Variants in DIS3L2 observed in about 807,000 individuals in gnomAD.
DIS3L2 encodes the protein DIS3 like 3'-5' exoribonuclease 2.
In DIS3L2, 34 loss-of-function variants were observed where a neutral mutation model predicts 97.5. That is an observed-to-expected ratio of 0.35 (90% CI 0.27 to 0.46). The LOEUF is 0.46. Ranked by LOEUF, DIS3L2 falls within the 20% of genes least tolerant of loss-of-function variation. DIS3L2 has a pLI of 1.00. For synonymous variants in DIS3L2, 435 were observed against 445.2 expected (o/e 0.98, Z 0.29); for missense variants, 1,038 against 1,146.0 (o/e 0.91, Z 1.36).
intron 6 of DIS3L2, among the ~76,000 whole-genome samples, chr2:232,091,491 T>C (rs952636690): frequency 5.9e-5 from 9 of 152,230 alleles, no homozygotes; most frequent in Non-Finnish European, 1.5e-5. Context: ...ATCACATTTT[T>C]TTTAAATGGC....
intron 6 of DIS3L2, 57 bp downstream of exon 6, chr2:232,087,778 A>C (rs1696709205): frequency 7.5e-7 from 1 of 1,336,250 alleles, no homozygotes; most frequent in Non-Finnish European, 1.1e-6. Flanking sequence ...AAGTATTGGA[A>C]TTCCCTCTCT....
Position 232,222,531 on chromosome 2 carries a change from C to T in DIS3L2, c.1204+12126C>T, listed in dbSNP as rs528079959. 5.9e-5 allele frequency among the ~76,000 whole-genome samples: 9 copies of T among 152,172 alleles called. No homozygotes were observed. The South Asian group carries it at 1.7e-3, about 28-fold the overall frequency. ...TGTCGCCCAGGCTGGAGTGCGATGG[C>T]GCAGTCTTGGCTTACTGCAACCTCC... On this transcript the variant is annotated intron_variant, in intron 10 of 20. Transcript: ENST00000325385.
intron 5 of DIS3L2, among the ~76,000 whole-genome samples, chr2:232,042,123 G>A (rs937189721): frequency 1.3e-5 from 2 of 152,178 alleles, no homozygotes; most frequent in Admixed American, 6.5e-5. Context: ...AATAAAGGAA[G>A]TGTTGATAGG....
At chr2:232,103,993 C>T (rs1697284055) in intron 6 of DIS3L2, among the ~76,000 whole-genome samples, 1 of 149,684 alleles carries the variant, frequency 6.7e-6, no homozygotes, top group Non-Finnish European at 1.5e-5. Context: ...CCTTTCAGGT[C>T]CCCCCCCACC....
intron 1 of DIS3L2, among the ~76,000 whole-genome samples, chr2:231,976,913 G>A (rs1055511170): frequency 6.6e-6 from 1 of 151,818 alleles, no homozygotes; most frequent in South Asian, 2.1e-4. Flanking sequence ...GACAGCAGGT[G>A]CCCGCCACCA....
chr2:232,056,752 G>T, intron 5 of DIS3L2, among the ~76,000 whole-genome samples: 1 of 152,184 alleles, frequency 6.6e-6, no homozygotes, highest in East Asian at 1.9e-4. Flanking sequence ...TCCCTGAAGG[G>T]CTGAAATAAA....
chr2:231,971,094 G>T (rs1478240750), intron 1 of DIS3L2, among the ~76,000 whole-genome samples: 1 of 152,102 alleles, frequency 6.6e-6, no homozygotes, highest in Non-Finnish European at 1.5e-5. Context: ...TCCAGTAACA[G>T]TGCCTTCTTC....
At chr2:232,256,325 C>T (rs897679884) in intron 12 of DIS3L2, among the ~76,000 whole-genome samples, 2 of 152,216 alleles carry the variant, frequency 1.3e-5, no homozygotes, top group Non-Finnish European at 2.9e-5. Context: ...GTGCTGCAGG[C>T]CCCCTCCCCA....
chr2:232,293,482 G>A lies in DIS3L2; in HGVS notation c.1660-6558G>A, dbSNP rs1291667736. On this transcript the variant is annotated intron_variant, in intron 13 of 20. Coordinates refer to ENST00000325385, the MANE Select transcript of DIS3L2 (RefSeq NM_152383.5). The surrounding 1 kb of genome is among the most constrained non-coding windows in gnomAD (Gnocchi z 4.6). ...TGACAGAGGAGGGACAGGCAGGAAGGGCTCCCCTGGAAGCAGGTGGAGCAT... is the reference window on the plus strand; with the variant it reads ...TGACAGAGGAGGGACAGGCAGGAAGAGCTCCCCTGGAAGCAGGTGGAGCAT... Among the ~76,000 whole-genome samples the A allele has an allele frequency of 6.6e-6, 1 of 152,118 alleles. No homozygotes were observed. The highest frequency in any genetic ancestry group is 6.5e-5 in the Admixed American group (1 of 15,270).
At position 232,343,464 on chromosome 2, in the gene DIS3L2, CAG is replaced by C. The variant is rs765022604; in HGVS notation, c.1702_1703del (p.Arg568GlyfsTer139). 7.7e-6 allele frequency: 12 copies of C among 1,555,908 alleles called. No homozygotes were observed. The highest frequency in any genetic ancestry group is 8.7e-6 in the Non-Finnish European group (10 of 1,149,696). Reference sequence around the variant, plus strand: ...TGCCTGAGACTCGGGGCATATGTGACAGGGATCCAGACACACGACTGTTTTTC... The same window carrying C: ...TGCCTGAGACTCGGGGCATATGTGACGGATCCAGACACACGACTGTTTTTC... On this transcript the variant is annotated frameshift_variant, in exon 14 of 14. Transcript: ENST00000273009. LOFTEE classifies it high-confidence loss of function.
At chr2:232,038,104 C>A (rs1695003152) in intron 5 of DIS3L2, among the ~76,000 whole-genome samples, 1 of 152,182 alleles carries the variant, frequency 6.6e-6, no homozygotes, top group Admixed American at 6.5e-5. Flanking sequence ...TCCCTGGATT[C>A]CTTGAAAGCA....
chr2:232,342,270 T>TACATATATACACATATGCATATATAC (rs1696127471), intron 13 of DIS3L2, among the ~76,000 whole-genome samples: 1 of 151,444 alleles, frequency 6.6e-6, no homozygotes, highest in Admixed American at 6.6e-5. Flanking sequence ...CATACACATA[T>TACATATATACACATATGCATATATAC]ACATATATAC....
At chr2:232,029,721 G>C (rs1694751642) in intron 4 of DIS3L2, among the ~76,000 whole-genome samples, 2 of 151,940 alleles carry the variant, frequency 1.3e-5, no homozygotes, top group South Asian at 4.2e-4. Context: ...TGCTACTCCT[G>C]CCCTCAGTTT....
intron 3 of DIS3L2, among the ~76,000 whole-genome samples, chr2:232,021,930 G>A (rs1230293255): frequency 6.6e-6 from 1 of 152,136 alleles, no homozygotes; most frequent in Non-Finnish European, 1.5e-5. Context: ...AGGAGCATCT[G>A]GAGAAGAGAT....
intron 5 of DIS3L2, among the ~76,000 whole-genome samples, chr2:232,035,915 C>T (rs1694937785): frequency 6.6e-6 from 1 of 152,200 alleles, no homozygotes; most frequent in Non-Finnish European, 1.5e-5. Flanking sequence ...CAACCTTTCT[C>T]TCTGGCTGCC....
chr2:232,108,631 A>G (rs73095615), intron 6 of DIS3L2, among the ~76,000 whole-genome samples: 1,591 of 152,346 alleles, frequency 0.01, 30 homozygotes, highest in African/African-American at 0.036. Context: ...TGCATTGCAG[A>G]TGACATGATT....
chr2:232,094,101 T>A (rs1574869830), intron 6 of DIS3L2, among the ~76,000 whole-genome samples: 1 of 152,192 alleles, frequency 6.6e-6, no homozygotes, highest in African/African-American at 2.4e-5. Flanking sequence ...GCATGTTTTT[T>A]AATTTTCATG....
rs1023425313 is a variant in DIS3L2, at chr2:232,281,784, G to C, written c.1660-18256G>C. Among the ~76,000 whole-genome samples the C allele has an allele frequency of 6.6e-6, 1 of 152,190 alleles. No homozygotes were observed. The highest frequency in any genetic ancestry group is 1.5e-5 in the Non-Finnish European group (1 of 68,034). On this transcript the variant is annotated intron_variant, in intron 13 of 20. Transcript: ENST00000325385. The surrounding 1 kb of genome is among the most constrained non-coding windows in gnomAD (Gnocchi z 4.1). Reference sequence around the variant, plus strand: ...GACCCTCCAGGCTTGAGGTGCGTGAGCTGCCCACTTAAAGACGCTTGCCAG... The same window carrying C: ...GACCCTCCAGGCTTGAGGTGCGTGACCTGCCCACTTAAAGACGCTTGCCAG...
At chr2:232,246,433 G>A (rs532786287) in intron 11 of DIS3L2, among the ~76,000 whole-genome samples, 12 of 152,348 alleles carry the variant, frequency 7.9e-5, no homozygotes, top group East Asian at 5.8e-4. Flanking sequence ...CCAGTGCCCC[G>A]GGAGAGGGCC....
Sources: allele counts gnomAD v4.1 joint callset (sites outside exome capture counted in the v4.1 genomes callset), GRCh38; gene constraint gnomAD v4.1.1; non-coding constraint Gnocchi (gnomAD v3.1); transcripts MANE v1.5; gene names NCBI Gene and HGNC (gene_info 2026-07-23, HGNC 2026-07-21).